The following ADCY4 variants were observed in gnomAD, a reference collection of about 807,000 sequenced individuals.
The protein encoded by ADCY4 is adenylate cyclase type 4.
ADCY4 carries 111 observed loss-of-function variants against 125.5 expected under a neutral mutation model. The observed-to-expected ratio is 0.88, with a 90% CI of 0.76 to 1.04. ADCY4 has a LOEUF of 1.04. Among genes scored for constraint, ADCY4 ranks in the 50% least tolerant of loss-of-function variants. The pLI, the probability that ADCY4 is intolerant of heterozygous loss-of-function variation, is 0.00. For missense variants in ADCY4, 1,256 were observed against 1,382.9 expected (o/e 0.91, Z 1.46); for synonymous variants, 576 against 586.9 (o/e 0.98, Z 0.27).
In ADCY4 at chr14:24,332,669, G is replaced by A; in HGVS notation, c.372C>T (p.Leu124=). 2 of 1,588,856 alleles carry A rather than the reference G, an allele frequency of 1.3e-6. No homozygotes were observed. Among genetic ancestry groups the A allele is most frequent in the African/African-American group, 1.3e-5 (1 of 74,748 alleles). ...TGGCATACGCCGTGAAGATGACGAA[G>A]AGAAAATAGGACACCTGGGGGCGGG... ...VSAWDQVSYF[L]FVIFTAYAML... is the part of the protein sequence containing the mutation. Residue 124 remains leucine, a synonymous_variant, in exon 3 of 25, where the codon CTC becomes CTT. Coordinates refer to ENST00000418030, the MANE Select transcript of ADCY4 (RefSeq NM_001198568.2).
In ADCY4 at chr14:24,323,000, A is replaced by G. The variant is rs764711801; in HGVS notation, c.2246T>C (p.Leu749Pro). Residue 749 changes from leucine to proline, a missense_variant, in exon 18 of 25, where the codon CTG (leucine) becomes CCG (proline). Physicochemically the swap from Leu to Pro is moderately conservative, Grantham distance 98. Transcript: ENST00000418030. ...GAGGGAGCAGGATGCCGCCAGCCAC[A>G]GCAGGAGCAGCAGCAGCTTCAGCTC... ...SFELKLLLLL[L>P]WLAASCSLFL... 1 of 1,614,012 alleles carries G rather than the reference A, an allele frequency of 6.2e-7. No homozygotes were observed. The highest frequency in any genetic ancestry group is 8.5e-7 in the Non-Finnish European group (1 of 1,180,016).
Position 24,334,812 on chromosome 14 carries a change from C to T in ADCY4, c.-160G>A, listed in dbSNP as rs909429098. On this transcript the variant is annotated 5_prime_UTR_variant, in exon 1 of 25. Coordinates refer to ENST00000418030, the MANE Select transcript of ADCY4 (RefSeq NM_001198568.2). ...ATCCCGTCTCCTTTTTCAGGCCCTC[C>T]CTGCGGCCTCCCAGCCCGCTCCCAG... is the stretch of plus-strand genomic sequence containing the variant. 1.5e-5 allele frequency: 9 copies of T among 609,026 alleles called. No individual in the cohort carries two copies. The highest frequency in any genetic ancestry group is 2.5e-5 in the Non-Finnish European group (9 of 356,254). 37.7% of individuals were successfully genotyped at this position (609,026 alleles called of 1,614,324 possible). A position where few individuals can be genotyped will look rare whatever the true frequency, so the allele number is the denominator to read the frequency against.
rs1210461870 is a variant in ADCY4 at position 24,324,196 on chromosome 14, A to C, written c.1912T>G (p.Cys638Gly). Residue 638 changes from cysteine (C) to glycine (G), a missense_variant, in exon 16 of 25, where the codon TGT becomes GGT. Transcript: ENST00000418030. ...AGCATCTTGGGGCCTTTCAGGACAC[A>C]CCTCTGTGGAGGGAGCATGGGCATC... ...FVCFSEDLMRCVLKGPKMLHW... is the reference protein window; with the variant it reads ...FVCFSEDLMRGVLKGPKMLHW... 6.2e-7 allele frequency: 1 copy of C among 1,613,952 alleles called. No homozygotes were observed. The highest frequency in any genetic ancestry group is 8.5e-7 in the Non-Finnish European group (1 of 1,180,012).
Position 24,319,857 on chromosome 14 carries a change from CA to C in ADCY4, c.2617del (p.Cys873ValfsTer24). 1 of 1,613,938 alleles carries C rather than the reference CA, an allele frequency of 6.2e-7. No individual in the cohort carries two copies. ...DLYHQSYECV[C>X]VLFASVPDFK... ...GTCTGGGACTGAGGCGAAGAGGACA[CA>C]AACGCATTCATAGGACTGGTGGTAG... is the stretch of plus-strand genomic sequence containing the variant. On this transcript the variant is annotated frameshift_variant, in exon 21 of 25. Transcript: ENST00000418030. LOFTEE classifies it high-confidence loss of function. The surrounding 1 kb of genome is among the most constrained non-coding windows in gnomAD (Gnocchi z 4.5).
intron 17 of ADCY4, 24 bp from the exon 18 acceptor site, chr14:24,323,112 G>A: frequency 6.2e-7 from 1 of 1,611,626 alleles, no homozygotes; most frequent in Non-Finnish European, 8.5e-7. Flanking sequence ...CAGGGGTCAG[G>A]AGTGGGCATG....
chr14:24,334,635 G>A lies in ADCY4; in HGVS notation c.18C>T (p.Ser6=), dbSNP rs1246857599. 5 of 1,551,118 alleles carry A rather than the reference G, an allele frequency of 3.2e-6. No homozygotes were observed. The highest frequency in any genetic ancestry group is 2.4e-5 in the East Asian group (1 of 41,346). The change falls in exon 1 of 25, where the codon AGC becomes AGT. Residue 6 remains serine, a synonymous_variant. Coordinates refer to ENST00000418030, the MANE Select transcript of ADCY4 (RefSeq NM_001198568.2). ...GGTCTTCGCTGGGGGGCGGCCGGGG[G>A]CTGAAGAGGCGGGCCATGATCTCCC... is the stretch of plus-strand genomic sequence containing the variant. MARLF[S]PRPPPSEDLF...
At position 24,331,886 on chromosome 14, in the gene ADCY4, G is replaced by A; in HGVS notation, c.571C>T (p.His191Tyr). The change falls in exon 4 of 25, where the codon CAC (histidine) becomes TAC (tyrosine). Residue 191 changes from histidine to tyrosine, a missense_variant. Coordinates refer to ENST00000418030, the MANE Select transcript of ADCY4 (RefSeq NM_001198568.2). ...FLCGNVAGVY[H>Y]KALMERALRA... ...AGGGCGCGCTCCATCAGCGCCTTGT[G>A]GTACACTCCTGCCACGTTCCCGCAC... 2 of 1,598,034 alleles carry A rather than the reference G, an allele frequency of 1.3e-6. No homozygotes were observed. The highest frequency in any genetic ancestry group is 1.7e-6 in the Non-Finnish European group (2 of 1,167,982).
At chr14:24,331,597 T>G (rs956738630) in intron 4 of ADCY4, 191 bp downstream of exon 4, 3 of 967,868 alleles carry the variant, frequency 3.1e-6, no homozygotes, top group Admixed American at 6.0e-5. Context: ...TGCTCTAAAG[T>G]GCTTTTTATA....
chr14:24,332,582 CAGATGCG>C lies in ADCY4; in HGVS notation c.452_458del (p.Ser151CysfsTer42), dbSNP rs1330399793. On this transcript the variant is annotated frameshift_variant, in exon 3 of 25. Coordinates refer to ENST00000418030, the MANE Select transcript of ADCY4 (RefSeq NM_001198568.2). LOFTEE classifies it high-confidence loss of function. ...GCCCAAGATACAGCCCGAGGACCAGCAGATGCGAGAGTGAGGAGGCGAGGCCCGCGAC... is the reference window on the plus strand; with the variant it reads ...GCCCAAGATACAGCCCGAGGACCAGCAGAGTGAGGAGGCGAGGCCCGCGAC... The C allele has an allele frequency of 1.9e-6, 3 of 1,578,282 alleles. No homozygotes were observed. The highest frequency in any genetic ancestry group is 2.3e-5 in the South Asian group (2 of 86,664).
chr14:24,319,993 G>A lies in ADCY4; in HGVS notation c.2587-105C>T. On this transcript the variant is annotated intron_variant, in intron 20 of 24. Coordinates refer to ENST00000418030, the MANE Select transcript of ADCY4 (RefSeq NM_001198568.2). This position sits in a 1 kb window ranked among gnomAD's most constrained non-coding sequence, Gnocchi z 4.5. Reference sequence around the variant, plus strand: ...CCATGTCCACACTCCTGGTCTCCCTGTTTAAGAAGAATTGGGAAGGAGGGA... The same window carrying A: ...CCATGTCCACACTCCTGGTCTCCCTATTTAAGAAGAATTGGGAAGGAGGGA... 1 of 1,381,190 alleles carries A rather than the reference G, an allele frequency of 7.2e-7. No individual in the cohort carries two copies. Among genetic ancestry groups the A allele is most frequent in the Admixed American group, 2.4e-5 (1 of 41,762 alleles). The allele number at this position is 1,381,190 out of a possible 1,614,324, so 85.6% of individuals were successfully genotyped here. A position where few individuals can be genotyped will look rare whatever the true frequency, so the allele number is the denominator to read the frequency against.
At position 24,334,947 on chromosome 14, in the gene ADCY4, C is replaced by T; in HGVS notation, c.-295G>A. The T allele has an allele frequency of 3.3e-6, 1 of 307,242 alleles. No homozygotes were observed. Among genetic ancestry groups the T allele is most frequent in the Non-Finnish European group, 6.0e-6 (1 of 166,620 alleles). 19.0% of individuals were successfully genotyped at this position (307,242 alleles called of 1,614,324 possible). On this transcript the variant is annotated 5_prime_UTR_variant, in exon 1 of 25. Coordinates refer to ENST00000418030, the MANE Select transcript of ADCY4 (RefSeq NM_001198568.2). ...AGGAGGGCAGGATTTGGGGTTGGTG[C>T]GAGGGAGCCCCGGGTTCCCCTGATC...
chr14:24,331,558 C>A, intron 4 of ADCY4: 1 of 874,706 alleles, frequency 1.1e-6, no homozygotes, highest in Admixed American at 3.0e-5. Flanking sequence ...AGTATCAACA[C>A]CTGAATGGGA....
chr14:24,322,795 C>T, intron 18 of ADCY4, 87 bp from the exon 19 acceptor site: 1 of 1,552,566 alleles, frequency 6.4e-7, no homozygotes, highest in Non-Finnish European at 8.7e-7. Flanking sequence ...GCTTCCCTCC[C>T]ACTTTGCCCT....
rs80151064 is a variant in ADCY4 at position 24,319,317 on chromosome 14, G to A, written c.2841+12C>T. The A allele has an allele frequency of 1.9e-6, 3 of 1,613,180 alleles. No homozygotes were observed. Among genetic ancestry groups the A allele is most frequent in the African/African-American group, 1.3e-5 (1 of 74,902 alleles). On this transcript the variant is annotated intron_variant, in intron 22 of 24. Transcript: ENST00000418030. The surrounding 1 kb of genome is among the most constrained non-coding windows in gnomAD (Gnocchi z 4.5). The stretch of plus-strand genomic sequence containing the variant: ...CCAGAGGAGGATGGTAGGTAAGGAA[G>A]GGTTGCCGTACCTGTTGTGCATCCT...
chr14:24,329,905 T>C lies in ADCY4; in HGVS notation c.1172A>G (p.His391Arg), dbSNP rs978460426. ...LQKWQYDVWS[H>R]DVTLANHMEA... ...CATGTGGTTAGCCAGTGTGACATCA[T>C]GTGACCAAACGTCGTACTGCCACTT... The change falls in exon 8 of 25, where the codon CAT (histidine) becomes CGT (arginine). Residue 391 changes from histidine (H) to arginine (R), a missense_variant. Coordinates refer to ENST00000418030, the MANE Select transcript of ADCY4 (RefSeq NM_001198568.2). 6.2e-7 allele frequency: 1 copy of C among 1,614,138 alleles called. No homozygotes were observed. The highest frequency in any genetic ancestry group is 8.5e-7 in the Non-Finnish European group (1 of 1,180,000).
intron 4 of ADCY4, 166 bp from the exon 5 acceptor site, chr14:24,331,522 T>C: frequency 1.0e-6 from 1 of 980,684 alleles, no homozygotes. Context: ...CATCCTACAC[T>C]GATCACCTTT....
Position 24,319,537 on chromosome 14 carries a change from T to C in ADCY4, c.2734-101A>G. 7.5e-7 allele frequency: 1 copy of C among 1,338,326 alleles called. No homozygotes were observed. Among genetic ancestry groups the C allele is most frequent in the Non-Finnish European group, 1.1e-6 (1 of 947,748 alleles). The allele number at this position is 1,338,326 out of a possible 1,614,324, so 82.9% of individuals were successfully genotyped here. A position where few individuals can be genotyped will look rare whatever the true frequency, so the allele number is the denominator to read the frequency against. ...CCTTTGGAGTTAAAGGATCAGGCTGTGGGAGTGGAGATAGTGTCAGGAAGG... is the reference window on the plus strand; with the variant it reads ...CCTTTGGAGTTAAAGGATCAGGCTGCGGGAGTGGAGATAGTGTCAGGAAGG... On this transcript the variant is annotated intron_variant, in intron 21 of 24. Transcript: ENST00000418030. This position sits in a 1 kb window ranked among gnomAD's most constrained non-coding sequence, Gnocchi z 4.5.
In ADCY4 at chr14:24,329,992, T is replaced by A; in HGVS notation, c.1085A>T (p.Asp362Val). 6.2e-7 allele frequency: 1 copy of A among 1,613,966 alleles called. No homozygotes were observed. Among genetic ancestry groups the A allele is most frequent in the Non-Finnish European group, 8.5e-7 (1 of 1,179,900 alleles). Residue 362 changes from aspartate (D) to valine (V), a missense_variant, in exon 8 of 25, where the codon GAC (aspartate) becomes GTC (valine). By Grantham distance (152) the Asp-to-Val change is radical. Coordinates refer to ENST00000418030, the MANE Select transcript of ADCY4 (RefSeq NM_001198568.2). ...IRKLRAATGV[D>V]INMRVGVHSG... ...GTGCACGCCCACACGCATGTTGATG[T>A]CCACGCCAGTGGCTGCCCGCAGTTT...
rs778105856 is a variant in ADCY4, at chr14:24,318,419, G to A, written c.3231C>T (p.Gly1077=). Residue 1077 remains glycine, a synonymous_variant, in exon 25 of 25, where the codon GGC becomes GGT. Transcript: ENST00000418030. The part of the protein sequence containing the change: ...TRTGPPSATL[G] ...TTCTTAGAAGGCGAGTGCAATCTCA[G>A]CCTAGGGTAGCTGAAGGAGGTCCAG... 2 of 1,614,004 alleles carry A rather than the reference G, an allele frequency of 1.2e-6. No homozygotes were observed. Among genetic ancestry groups the A allele is most frequent in the Admixed American group, 3.3e-5 (2 of 60,010 alleles).
Sources: allele counts gnomAD v4.1 joint callset, GRCh38; gene constraint gnomAD v4.1.1; non-coding constraint Gnocchi (gnomAD v3.1); transcripts MANE v1.5; gene names NCBI Gene and HGNC (gene_info 2026-07-23, HGNC 2026-07-21).